Variants in ADAMTS18 observed in about 807,000 individuals in gnomAD.
The protein encoded by ADAMTS18 is A disintegrin and metalloproteinase with thrombospondin motifs 18.
A neutral mutation model predicts 165.9 loss-of-function variants in ADAMTS18; 157 were observed. The observed-to-expected ratio is 0.95, with a 90% CI of 0.83 to 1.08. The LOEUF (loss-of-function observed/expected upper bound fraction) is 1.08, where lower values mean the gene tolerates loss of function less well. ADAMTS18 is among the 50% of genes least tolerant of loss of function. ADAMTS18 has a pLI of 0.00. For missense variants in ADAMTS18, 2,040 were observed against 1,534.0 expected (o/e 1.33, Z -5.51); for synonymous variants, 782 against 578.2 (o/e 1.35, Z -5.06).
chr16:77,316,877 G>C (rs140263183), intron 16 of ADAMTS18, among the ~76,000 whole-genome samples: 323 of 152,236 alleles, frequency 2.1e-3, no homozygotes, highest in African/African-American at 7.5e-3. Context: ...ATGTAGGCCA[G>C]TCTGGTCTCA....
At chr16:77,396,147 C>G (rs1280729496) in intron 3 of ADAMTS18, among the ~76,000 whole-genome samples, 1 of 152,174 alleles carries the variant, frequency 6.6e-6, no homozygotes, top group Non-Finnish European at 1.5e-5. Context: ...AGCTCTGTTA[C>G]TAAATCATAA....
intron 3 of ADAMTS18, among the ~76,000 whole-genome samples, chr16:77,377,557 C>A (rs570084473): frequency 1.3e-5 from 2 of 152,258 alleles, no homozygotes; most frequent in South Asian, 4.1e-4. Flanking sequence ...AAAAACAGCC[C>A]CATGGGCAGT....
At chr16:77,433,463 C>G (rs1237597484) in intron 2 of ADAMTS18, 1 of 152,204 alleles carries the variant, frequency 6.6e-6, no homozygotes, top group Non-Finnish European at 1.5e-5. Context: ...TTGACCACTT[C>G]AGGAGGTGAG....
At position 77,363,720 on chromosome 16, in the gene ADAMTS18, G is replaced by C. The variant is rs2056749732; in HGVS notation, c.1056+82C>G. 2.3e-6 allele frequency: 3 copies of C among 1,287,958 alleles called. No homozygotes were observed. In the African/African-American group the frequency reaches 4.4e-5, roughly 19 times the overall value. 79.8% of individuals were successfully genotyped at this position (1,287,958 alleles called of 1,614,324 possible). ...TTGAGCAGCTAACGACTAGTACATG[G>C]ATTAGTGAACACAGTAGGTGTTCAA... On this transcript the variant is annotated intron_variant, in intron 6 of 22. Coordinates refer to ENST00000282849, the MANE Select transcript of ADAMTS18 (RefSeq NM_199355.4).
intron 16 of ADAMTS18, among the ~76,000 whole-genome samples, chr16:77,316,413 C>A (rs1396804875): frequency 6.6e-6 from 1 of 152,034 alleles, no homozygotes; most frequent in Non-Finnish European, 1.5e-5. Context: ...CGCCACCATA[C>A]CCAGCTAATT....
At chr16:77,391,719 A>C (rs921413568) in intron 3 of ADAMTS18, among the ~76,000 whole-genome samples, 1 of 138,422 alleles carries the variant, frequency 7.2e-6, no homozygotes, top group Non-Finnish European at 1.6e-5. Flanking sequence ...TGAAAATGAC[A>C]ACAAGAACTA....
At chr16:77,332,503 G>T (rs2056205928) in intron 12 of ADAMTS18, among the ~76,000 whole-genome samples, 1 of 152,100 alleles carries the variant, frequency 6.6e-6, no homozygotes, top group African/African-American at 2.4e-5. Context: ...ACCTTCCAAG[G>T]TTATCTTCTA....
intron 9 of ADAMTS18, among the ~76,000 whole-genome samples, chr16:77,355,084 T>TA (rs1367735060): frequency 6.6e-6 from 1 of 152,096 alleles, no homozygotes; most frequent in African/African-American, 2.4e-5. Context: ...TGGTACAGGT[T>TA]AAAAATAAAG....
chr16:77,297,191 C>T, intron 18 of ADAMTS18, 98 bp downstream of exon 18: 2 of 1,513,868 alleles, frequency 1.3e-6, no homozygotes, highest in Non-Finnish European at 1.8e-6. Flanking sequence ...GAATCACTTT[C>T]CATTAGCAGT....
At chr16:77,325,627 T>C (rs1044371816) in intron 13 of ADAMTS18, among the ~76,000 whole-genome samples, 3 of 149,696 alleles carry the variant, frequency 2.0e-5, no homozygotes, top group Admixed American at 6.7e-5. Context: ...ATTCCAAACA[T>C]ATGAAACCTT....
intron 3 of ADAMTS18, among the ~76,000 whole-genome samples, chr16:77,370,124 C>G (rs904313911): frequency 1.3e-5 from 2 of 152,132 alleles, no homozygotes. Flanking sequence ...AGCTAACATC[C>G]TACAGAATGG....
At chr16:77,312,770 C>T (rs139041120) in intron 16 of ADAMTS18, among the ~76,000 whole-genome samples, 1 of 152,132 alleles carries the variant, frequency 6.6e-6, no homozygotes, top group African/African-American at 2.4e-5. Context: ...GTTAGAATGG[C>T]GATCATTAAA....
At chr16:77,289,164 T>C (rs1478986958) in intron 22 of ADAMTS18, 100 bp downstream of exon 22, 11 of 1,473,032 alleles carry the variant, frequency 7.5e-6, no homozygotes, top group African/African-American at 1.4e-5. Flanking sequence ...TGGCTTACCC[T>C]AGAGTTGTAC....
intron 3 of ADAMTS18, among the ~76,000 whole-genome samples, chr16:77,414,078 C>G (rs1337444202): frequency 2.6e-5 from 4 of 152,192 alleles, no homozygotes; most frequent in Non-Finnish European, 4.4e-5. Flanking sequence ...AGCCAGAATT[C>G]TGCAGAGAAA....
intron 3 of ADAMTS18, among the ~76,000 whole-genome samples, chr16:77,428,635 A>G (rs1160393647): frequency 1.3e-5 from 2 of 152,156 alleles, no homozygotes; most frequent in African/African-American, 4.8e-5. Context: ...TTAAAGCTGA[A>G]CATATACAAG....
chr16:77,360,162 G>T (rs1033061652), intron 7 of ADAMTS18, among the ~76,000 whole-genome samples: 1 of 152,160 alleles, frequency 6.6e-6, no homozygotes, highest in Non-Finnish European at 1.5e-5. Context: ...CCACTTCATT[G>T]TCAAGACGGA....
intron 3 of ADAMTS18, among the ~76,000 whole-genome samples, chr16:77,418,606 C>T (rs962702636): frequency 9.9e-5 from 15 of 152,096 alleles, no homozygotes; most frequent in Non-Finnish European, 1.8e-4. Flanking sequence ...CACCAATGCC[C>T]GACTGAGAAA....
intron 19 of ADAMTS18, 121 bp downstream of exon 19, chr16:77,294,802 T>G: frequency 1.0e-6 from 1 of 974,222 alleles, no homozygotes; most frequent in African/African-American, 1.6e-5. Flanking sequence ...CCCAGGCACA[T>G]GAACTCAGGG....
intron 3 of ADAMTS18, among the ~76,000 whole-genome samples, chr16:77,414,388 A>C (rs542495958): frequency 9.2e-5 from 14 of 152,228 alleles, no homozygotes; most frequent in Non-Finnish European, 1.3e-4. Context: ...TAAAATGCAC[A>C]CTGGACTCTG....
Sources: allele counts gnomAD v4.1 joint callset (sites outside exome capture counted in the v4.1 genomes callset), GRCh38; gene constraint gnomAD v4.1.1; transcripts MANE v1.5; gene names NCBI Gene and HGNC (gene_info 2026-07-23, HGNC 2026-07-21).